TG: variants seen among roughly 807,000 people sequenced by gnomAD.
TG encodes the protein thyroid hormones.
In TG, 270 loss-of-function variants were observed where a neutral mutation model predicts 324.7. The observed-to-expected ratio is 0.83, with a 90% CI of 0.75 to 0.92. TG has a LOEUF of 0.92. Among genes scored for constraint, TG ranks in the 40% least tolerant of loss-of-function variants. The pLI, the probability that TG is intolerant of heterozygous loss-of-function variation, is 0.00. For missense variants in TG, 3,591 were observed against 3,456.4 expected, an observed-to-expected ratio of 1.04 and a Z score of -0.98; for synonymous variants, 1,401 against 1,327.0, an observed-to-expected ratio of 1.06 and a Z score of -1.21.
intron 41 of TG, among the ~76,000 whole-genome samples, chr8:133,055,355 ACGCACGCGCG>A (rs1426540559): frequency 9.0e-5 from 6 of 66,604 alleles, no homozygotes; most frequent in Admixed American, 5.8e-4. Flanking sequence ...GGACACACAC[ACGCACGCGCG>A]CACACACACA....
At chr8:133,101,879 C>T (rs1399452800) in intron 43 of TG, among the ~76,000 whole-genome samples, 1 of 152,196 alleles carries the variant, frequency 6.6e-6, no homozygotes, top group Non-Finnish European at 1.5e-5. Flanking sequence ...CTGACCAGGA[C>T]CCCGCTCCCT....
At chr8:133,111,227 G>A (rs1290032566) in intron 43 of TG, among the ~76,000 whole-genome samples, 1 of 152,104 alleles carries the variant, frequency 6.6e-6, no homozygotes. Flanking sequence ...GAACGAGCCT[G>A]TCTCTTACCA....
intron 27 of TG, among the ~76,000 whole-genome samples, chr8:132,954,198 C>T (rs1321880509): frequency 6.6e-6 from 1 of 152,086 alleles, no homozygotes; most frequent in African/African-American, 2.4e-5. Context: ...TCATTGCAAT[C>T]AGACGCATCT....
At chr8:133,104,355 C>A (rs1849608043) in intron 43 of TG, among the ~76,000 whole-genome samples, 1 of 152,156 alleles carries the variant, frequency 6.6e-6, no homozygotes, top group African/African-American at 2.4e-5. Flanking sequence ...ACATTTCTGG[C>A]AGCTATATGG....
chr8:132,963,427 A>G (rs1321105311), intron 29 of TG, among the ~76,000 whole-genome samples: 1 of 152,246 alleles, frequency 6.6e-6, no homozygotes, highest in East Asian at 1.9e-4. Context: ...AAGTGTAAAT[A>G]TTCTGAAATT....
At position 132,893,820 on chromosome 8, in the gene TG, G is replaced by A. The variant is rs1816699222; in HGVS notation, c.2892G>A (p.Arg964=). 6.2e-7 allele frequency: 1 copy of A among 1,614,010 alleles called. No individual in the cohort carries two copies. Among genetic ancestry groups the A allele is most frequent in the Non-Finnish European group, 8.5e-7 (1 of 1,179,942 alleles). The part of the protein sequence containing the change: ...GESFLVAKGI[R]LRNEDLGLPP... ...GTTTCCTGGTGGCCAAGGGAATCCG[G>A]CTGAGGAATGAGGACCTCGGCCTTC... Residue 964 remains arginine (R), a synonymous_variant, in exon 11 of 48, where the codon CGG becomes CGA. Coordinates refer to ENST00000220616, the MANE Select transcript of TG (RefSeq NM_003235.5).
At chr8:133,113,659 C>T (rs764024646) in intron 44 of TG, 56 bp downstream of exon 44, 309 of 1,583,660 alleles carry the variant, frequency 2.0e-4, no homozygotes, top group Admixed American at 4.3e-4. Flanking sequence ...GGAGCAGACT[C>T]AGTTGGTGTT....
chr8:132,918,042 G>T (rs1820615289), intron 20 of TG, among the ~76,000 whole-genome samples: 1 of 152,048 alleles, frequency 6.6e-6, no homozygotes, highest in Non-Finnish European at 1.5e-5. Flanking sequence ...ATGGTCTTGA[G>T]AGAGCCCCTT....
At position 132,886,357 on chromosome 8, in the gene TG, G is replaced by A. The variant is rs551986533; in HGVS notation, c.1076-91G>A. The A allele has an allele frequency of 1.0e-4, 158 of 1,545,984 alleles. 1 individual carries two copies. In the South Asian group the frequency reaches 1.6e-3, roughly 16 times the overall value. On this transcript the variant is annotated intron_variant, in intron 8 of 47. Transcript: ENST00000220616. ...GTAGGTGTCCTTGATTGAATGTTCT[G>A]GCTTCTTACTACCTAAAGGATCTGA...
chr8:133,108,208 G>C (rs1474789837), intron 43 of TG, among the ~76,000 whole-genome samples: 4 of 151,418 alleles, frequency 2.6e-5, no homozygotes, highest in Non-Finnish European at 5.9e-5. Flanking sequence ...GGATGGTCTC[G>C]ATCTCCTGAC....
rs572209458 is a variant in TG, at chr8:133,097,387, T to G, written c.7572+1014T>G. Among the ~76,000 whole-genome samples the G allele has an allele frequency of 1.8e-4, 27 of 152,336 alleles. No individual in the cohort carries two copies. In the South Asian group the frequency reaches 5.2e-3, roughly 29 times the overall value. On this transcript the variant is annotated intron_variant, in intron 43 of 47. Transcript: ENST00000220616. ...TTTATTGATTGATTGTGGCATTGAT[T>G]ATTGTGGCAAAAAATTGGAAGCAAC...
chr8:132,925,662 G>C (rs192521655), intron 22 of TG, among the ~76,000 whole-genome samples: 39 of 152,254 alleles, frequency 2.6e-4, no homozygotes, highest in African/African-American at 9.4e-4. Context: ...TGAGAGATCA[G>C]TTAGCCAGAT....
intron 43 of TG, among the ~76,000 whole-genome samples, chr8:133,104,735 C>T (rs56078245): frequency 0.027 from 4,152 of 152,080 alleles, 183 homozygotes; most frequent in African/African-American, 0.095. Context: ...AGTGGAGTAA[C>T]GGGAAGGAAA....
intron 35 of TG, among the ~76,000 whole-genome samples, chr8:133,006,520 T>C (rs908139665): frequency 1.3e-5 from 2 of 152,228 alleles, no homozygotes; most frequent in African/African-American, 4.8e-5. Flanking sequence ...GCTGCCACCG[T>C]TGGCTGTCAG....
Position 133,017,975 on chromosome 8 carries a change from T to C in TG, c.6760T>C (p.Ser2254Pro). 2.5e-6 allele frequency: 4 copies of C among 1,614,210 alleles called. No homozygotes were observed. The highest frequency in any genetic ancestry group is 2.5e-6 in the Non-Finnish European group (3 of 1,180,042). ...QAPEPLNWTG[S>P]WDASKPRASC... ...ACCAGAGCCCTTGAACTGGACAGGC[T>C]CCTGGGATGCCAGCAAGCCAAGGTA... Residue 2254 changes from serine to proline, a missense_variant, in exon 38 of 48, where the codon TCC (serine) becomes CCC (proline). Coordinates refer to ENST00000220616, the MANE Select transcript of TG (RefSeq NM_003235.5).
At chr8:132,964,731 T>C (rs1023195935) in intron 29 of TG, 2 of 593,694 alleles carry the variant, frequency 3.4e-6, no homozygotes, top group African/African-American at 1.9e-5. Flanking sequence ...CCAGACATTT[T>C]TGAGCACATG....
chr8:132,893,297 C>T (rs1305362543), intron 10 of TG, among the ~76,000 whole-genome samples: 2 of 70,422 alleles, frequency 2.8e-5, no homozygotes, highest in Admixed American at 1.8e-4. Context: ...TGTATGTGTA[C>T]GTGTGGTGTA....
rs878870040 is a variant in TG at position 132,911,410 on chromosome 8, G to A, written c.4036G>A (p.Val1346Ile). 2 of 1,614,200 alleles carry A rather than the reference G, an allele frequency of 1.2e-6. No individual in the cohort carries two copies. Among genetic ancestry groups the A allele is most frequent in the South Asian group, 1.1e-5 (1 of 91,078 alleles). Residue 1346 changes from valine to isoleucine, a missense_variant, in exon 19 of 48, where the codon GTC (valine) becomes ATC (isoleucine). Transcript: ENST00000220616. ...KTFGTLVSIP[V>I]CNNSSVQVGC... Reference sequence around the variant, plus strand: ...TTTTGGCACCCTGGTTTCCATTCCTGTCTGCAACAACTCCTCTGTGCAGGT... The same window carrying A: ...TTTTGGCACCCTGGTTTCCATTCCTATCTGCAACAACTCCTCTGTGCAGGT...
intron 40 of TG, among the ~76,000 whole-genome samples, chr8:133,023,050 G>A (rs1008573551): frequency 6.6e-6 from 1 of 152,152 alleles, no homozygotes; most frequent in African/African-American, 2.4e-5. Context: ...GTTTCCCAAG[G>A]GTCTCATTTA....
Sources: allele counts gnomAD v4.1 joint callset (sites outside exome capture counted in the v4.1 genomes callset), GRCh38; gene constraint gnomAD v4.1.1; transcripts MANE v1.5; gene names NCBI Gene and HGNC (gene_info 2026-07-23, HGNC 2026-07-21).